The following FHIT variants were observed in gnomAD, a reference collection of about 807,000 sequenced individuals.
The protein encoded by FHIT is fragile histidine triad diadenosine triphosphatase, also known as bis(5'-adenosyl)-triphosphatase.
FHIT carries 19 observed loss-of-function variants against 17.9 expected under a neutral mutation model. The ratio of observed to expected loss-of-function variants is 1.06; its 90% CI spans 0.74 to 1.56. The LOEUF (loss-of-function observed/expected upper bound fraction) is 1.56, where lower values mean the gene tolerates loss of function less well. Ranked by LOEUF, FHIT falls within the 40% of genes most tolerant of loss-of-function variation. The probability of loss-of-function intolerance (pLI) is 0.00; values close to 1 mark genes in which losing one functional copy is unlikely to be tolerated. For missense variants in FHIT, 248 were observed against 189.2 expected (o/e 1.31, Z -1.82); for synonymous variants, 81 against 69.7 (o/e 1.16, Z -0.81).
intron 2 of FHIT, among the ~76,000 whole-genome samples, chr3:61,197,094 T>G (rs935776132): frequency 5.9e-5 from 9 of 152,198 alleles, no homozygotes; most frequent in Admixed American, 2.0e-4. Flanking sequence ...GTTTAATCTG[T>G]CTCTTTTTCC....
chr3:60,871,157 T>A lies in FHIT; in HGVS notation c.-110-49146A>T, dbSNP rs537695627. Reference sequence around the variant, plus strand: ...TTCTTGCATATCTGCAGCTCTTGCATGCCTGCCATTTTGTATCTTCCTTTT... The same window carrying A: ...TTCTTGCATATCTGCAGCTCTTGCAAGCCTGCCATTTTGTATCTTCCTTTT... On this transcript the variant is annotated intron_variant, in intron 3 of 9. Coordinates refer to ENST00000492590, the MANE Select transcript of FHIT (RefSeq NM_002012.4). Among the ~76,000 whole-genome samples the A allele has an allele frequency of 4.6e-5, 7 of 152,312 alleles. No homozygotes were observed. The East Asian group carries it at 1.3e-3, about 29-fold the overall frequency.
chr3:61,137,469 C>T (rs975463530), intron 2 of FHIT, among the ~76,000 whole-genome samples: 3 of 152,082 alleles, frequency 2.0e-5, no homozygotes, highest in Admixed American at 6.6e-5. Flanking sequence ...GCAACTTATG[C>T]GCTTACCTCT....
intron 4 of FHIT, chr3:60,690,625 G>A: frequency 1.9e-6 from 1 of 525,570 alleles, no homozygotes; most frequent in South Asian, 1.5e-5. Context: ...ATTTTCTGCT[G>A]TCTTTGGAAG....
At chr3:59,809,645 G>A (rs1171467990) in intron 8 of FHIT, among the ~76,000 whole-genome samples, 4 of 152,200 alleles carry the variant, frequency 2.6e-5, no homozygotes, top group African/African-American at 7.2e-5. Context: ...CACGGGTTTA[G>A]AAACAAATAG....
At chr3:60,538,600 C>T (rs996859819) in intron 4 of FHIT, among the ~76,000 whole-genome samples, 8 of 152,010 alleles carry the variant, frequency 5.3e-5, no homozygotes, top group Non-Finnish European at 1.2e-4. Flanking sequence ...GAGATATAGA[C>T]CAATGGAACA....
chr3:60,837,465 C>A (rs1702577299), intron 3 of FHIT, among the ~76,000 whole-genome samples: 1 of 152,048 alleles, frequency 6.6e-6, no homozygotes, highest in African/African-American at 2.4e-5. Context: ...TACATCTTTT[C>A]CCATTATTTT....
chr3:60,973,707 T>A (rs183502943), intron 3 of FHIT, among the ~76,000 whole-genome samples: 2 of 152,298 alleles, frequency 1.3e-5, no homozygotes. Flanking sequence ...CAAAGAAACA[T>A]GTAGTAATGG....
At chr3:61,056,500 G>A (rs1476394055) in intron 2 of FHIT, among the ~76,000 whole-genome samples, 4 of 152,172 alleles carry the variant, frequency 2.6e-5, no homozygotes, top group Admixed American at 2.0e-4. Flanking sequence ...TGAAAAAACA[G>A]GGCAGAGTAA....
chr3:60,094,221 A>T (rs982240704), intron 5 of FHIT, among the ~76,000 whole-genome samples: 2 of 152,146 alleles, frequency 1.3e-5, no homozygotes, highest in Non-Finnish European at 2.9e-5. Context: ...TTGACAAATG[A>T]TATCTAATGC....
At chr3:60,083,104 A>G (rs1409238787) in intron 5 of FHIT, among the ~76,000 whole-genome samples, 1 of 152,148 alleles carries the variant, frequency 6.6e-6, no homozygotes, top group African/African-American at 2.4e-5. Flanking sequence ...AAGGTCTTAC[A>G]TTTAAATATT....
chr3:60,598,534 G>C (rs1481731210), intron 4 of FHIT, among the ~76,000 whole-genome samples: 7 of 152,088 alleles, frequency 4.6e-5, no homozygotes, highest in African/African-American at 1.7e-4. Context: ...TGTTGCAAGA[G>C]CAAAGAAAAG....
At chr3:60,059,367 C>G (rs900743046) in intron 5 of FHIT, among the ~76,000 whole-genome samples, 1 of 152,134 alleles carries the variant, frequency 6.6e-6, no homozygotes, top group African/African-American at 2.4e-5. Context: ...ACATGCTCAC[C>G]TCCCACATGT....
intron 5 of FHIT, among the ~76,000 whole-genome samples, chr3:60,331,572 T>C (rs866187794): frequency 2.6e-5 from 4 of 152,094 alleles, no homozygotes; most frequent in Middle Eastern, 3.4e-3. Context: ...TCGGTCCGGG[T>C]ATGGTGGCTT....
chr3:59,837,111 G>A (rs1345374802), intron 8 of FHIT, among the ~76,000 whole-genome samples: 2 of 152,082 alleles, frequency 1.3e-5, no homozygotes, highest in Non-Finnish European at 2.9e-5. Context: ...GGCTCCATCT[G>A]GCAATTCTCA....
At chr3:60,506,127 A>G (rs945516550) in intron 5 of FHIT, among the ~76,000 whole-genome samples, 1 of 152,190 alleles carries the variant, frequency 6.6e-6, no homozygotes, top group African/African-American at 2.4e-5. Context: ...ATGATTTCTC[A>G]CAGACAATAT....
At chr3:60,717,650 G>A (rs2041716120) in intron 4 of FHIT, among the ~76,000 whole-genome samples, 1 of 152,078 alleles carries the variant, frequency 6.6e-6, no homozygotes, top group Admixed American at 6.6e-5. Flanking sequence ...TGTGAATCTT[G>A]GTTATAGTAG....
chr3:59,920,567 C>T (rs1156971076), intron 8 of FHIT, among the ~76,000 whole-genome samples: 1 of 152,140 alleles, frequency 6.6e-6, no homozygotes, highest in African/African-American at 2.4e-5. Context: ...ATTTTAAGCA[C>T]AGTTGGAACA....
At chr3:60,963,365 CT>C (rs1410799012) in intron 3 of FHIT, among the ~76,000 whole-genome samples, 1 of 152,092 alleles carries the variant, frequency 6.6e-6, no homozygotes, top group Non-Finnish European at 1.5e-5. Flanking sequence ...TTTTGTTGAT[CT>C]TTTCAAAAAA....
chr3:60,043,619 T>A (rs1201343375), intron 5 of FHIT, among the ~76,000 whole-genome samples: 2 of 152,182 alleles, frequency 1.3e-5, no homozygotes, highest in African/African-American at 4.8e-5. Context: ...CCTGAGCACT[T>A]ATGACAACTG....
Sources: gnomAD v4.1 joint callset for allele counts (sites outside exome capture counted in the v4.1 genomes callset) on GRCh38, gnomAD v4.1.1 for gene constraint, MANE v1.5 for transcripts, NCBI Gene and HGNC (gene_info 2026-07-23, HGNC 2026-07-21) for gene names.